Variants in TPRG1 observed in about 807,000 individuals in gnomAD.
The protein encoded by TPRG1 is tumor protein p63 regulated 1.
Under a neutral mutation model 29.3 loss-of-function variants are expected in TPRG1, and 29 were observed. The observed-to-expected ratio is 0.99, with a 90% CI of 0.74 to 1.35. The LOEUF (loss-of-function observed/expected upper bound fraction) is 1.35, where lower values mean the gene tolerates loss of function less well. Among genes scored for constraint, TPRG1 ranks in the 40% most tolerant of loss-of-function variants. The probability of loss-of-function intolerance (pLI) is 0.00; values close to 1 mark genes in which losing one functional copy is unlikely to be tolerated. For missense variants in TPRG1, 327 were observed against 335.0 expected (o/e 0.98, Z 0.19); for synonymous variants, 130 against 116.8 (o/e 1.11, Z -0.73).
At chr3:189,187,237 C>G (rs1481290966) in intron 1 of TPRG1, among the ~76,000 whole-genome samples, 1 of 152,048 alleles carries the variant, frequency 6.6e-6, no homozygotes, top group Non-Finnish European at 1.5e-5. Context: ...AGCCTCCTAT[C>G]TCAGCCTCCC....
chr3:189,004,231 A>T (rs1712175728), intron 2 of TPRG1, among the ~76,000 whole-genome samples: 2 of 152,152 alleles, frequency 1.3e-5, no homozygotes, highest in South Asian at 4.1e-4. Context: ...CCTATATAGT[A>T]AACCAGCACA....
chr3:189,244,762 A>G (rs1156365149), intron 4 of TPRG1, among the ~76,000 whole-genome samples: 1 of 152,072 alleles, frequency 6.6e-6, no homozygotes, highest in African/African-American at 2.4e-5. Context: ...ATTGGTGGGG[A>G]CACAGATCCA....
chr3:189,004,630 T>G (rs1481236619), exon 3 of TPRG1: 1 of 152,198 alleles, frequency 6.6e-6, no homozygotes, highest in African/African-American at 2.4e-5. Context: ...AATGACTGCA[T>G]GGAGCAGAAC....
At chr3:189,118,702 C>T (rs1047530413) in intron 1 of TPRG1, among the ~76,000 whole-genome samples, 1 of 152,246 alleles carries the variant, frequency 6.6e-6, no homozygotes, top group Non-Finnish European at 1.5e-5. Context: ...GTGCAAACCC[C>T]AAGCCCCAAG....
chr3:189,275,533 A>G lies in TPRG1; in HGVS notation c.480-34853A>G, dbSNP rs577888637. Among the ~76,000 whole-genome samples, 8 of 152,328 alleles carry G rather than the reference A, an allele frequency of 5.3e-5. No individual in the cohort carries two copies. In the East Asian group the frequency reaches 1.5e-3, roughly 29 times the overall value. On this transcript the variant is annotated intron_variant, in intron 4 of 5. Transcript: ENST00000345063. ...GAAGTTGGGATGTGAAGAAAGGGTT[A>G]GAGGGAAAGGCTATTCCAGGGAGAA...
chr3:189,145,834 A>G (rs557465230), intron 3 of TPRG1, among the ~76,000 whole-genome samples: 2 of 152,326 alleles, frequency 1.3e-5, no homozygotes, highest in South Asian at 4.1e-4. Context: ...AGAAGTGATT[A>G]ACACATGTCA....
intron 4 of TPRG1, among the ~76,000 whole-genome samples, chr3:189,280,574 C>A (rs565420593): frequency 3.5e-4 from 53 of 150,256 alleles, no homozygotes; most frequent in Middle Eastern, 3.4e-3. Context: ...TCTACATGCA[C>A]CTAAACAGGA....
rs1002390194 is a variant in TPRG1 at position 189,007,349 on chromosome 3, A to G, written c.-660+2589A>G. On this transcript the variant is annotated intron_variant, in intron 3 of 10. Coordinates refer to the TPRG1 transcript ENST00000433971. ...ATGCAAATCAAAACCACAGTGAGAT[A>G]CCATCTCACACCAGTTAGAGTGGCA... Among the ~76,000 whole-genome samples, 425 of 152,254 alleles carry G rather than the reference A, an allele frequency of 2.8e-3. 1 individual carries two copies. The highest frequency in any genetic ancestry group is 4.0e-3 in the Non-Finnish European group (272 of 67,994).
At chr3:189,254,781 G>A (rs1229376155) in intron 4 of TPRG1, among the ~76,000 whole-genome samples, 5 of 151,964 alleles carry the variant, frequency 3.3e-5, no homozygotes, top group Admixed American at 3.3e-4. Flanking sequence ...CTCTTTTGTA[G>A]CAATTGTGAT....
At chr3:189,105,055 A>G (rs189446320) in intron 1 of TPRG1, among the ~76,000 whole-genome samples, 41 of 152,162 alleles carry the variant, frequency 2.7e-4, no homozygotes, top group Non-Finnish European at 4.1e-4. Flanking sequence ...TTCCAATAAA[A>G]TTTCTTTTCA....
At chr3:189,219,262 A>G (rs1189675968) in intron 3 of TPRG1, among the ~76,000 whole-genome samples, 1 of 152,232 alleles carries the variant, frequency 6.6e-6, no homozygotes, top group Non-Finnish European at 1.5e-5. Context: ...AATCAGAAAA[A>G]TAAGTTTGCA....
upstream of TPRG1, among the ~76,000 whole-genome samples, chr3:189,169,317 A>G (rs993644682): frequency 2.0e-5 from 3 of 152,106 alleles, no homozygotes; most frequent in African/African-American, 7.2e-5. Context: ...GGGGCCCGCC[A>G]CTGCGCCCGG....
intron 1 of TPRG1, among the ~76,000 whole-genome samples, chr3:189,000,495 C>G (rs1002314402): frequency 5.3e-5 from 8 of 151,930 alleles, no homozygotes; most frequent in Admixed American, 2.6e-4. Context: ...AATGCTTACC[C>G]TAAAACACTA....
chr3:189,259,122 G>C (rs1184722730), intron 4 of TPRG1, among the ~76,000 whole-genome samples: 1 of 152,196 alleles, frequency 6.6e-6, no homozygotes, highest in Admixed American at 6.5e-5. Flanking sequence ...CAGGGCTCTG[G>C]TGGTGTAGGC....
chr3:189,219,439 TG>T, intron 3 of TPRG1: 1 of 368,328 alleles, frequency 2.7e-6, no homozygotes, highest in Non-Finnish European at 4.5e-6. Context: ...CATCCAGGAC[TG>T]TTATATACAT....
chr3:189,083,133 G>T (rs1012595187), intron 4 of TPRG1, among the ~76,000 whole-genome samples: 1 of 152,146 alleles, frequency 6.6e-6, no homozygotes, highest in African/African-American at 2.4e-5. Context: ...AAAATATTTT[G>T]TGAGATTCTT....
chr3:189,021,720 T>A (rs1353027365), intron 3 of TPRG1, among the ~76,000 whole-genome samples: 1 of 152,150 alleles, frequency 6.6e-6, no homozygotes, highest in Non-Finnish European at 1.5e-5. Flanking sequence ...TTGGAGTTGC[T>A]CTTCTCGAGG....
intron 1 of TPRG1, among the ~76,000 whole-genome samples, chr3:189,199,964 C>T (rs901786720): frequency 1.3e-5 from 2 of 152,124 alleles, no homozygotes; most frequent in Non-Finnish European, 1.5e-5. Flanking sequence ...CAAGTCTCAC[C>T]TTTATTTTGT....
chr3:189,143,057 G>C (rs1201240617), intron 3 of TPRG1, among the ~76,000 whole-genome samples: 2 of 152,038 alleles, frequency 1.3e-5, no homozygotes, highest in African/African-American at 4.8e-5. Flanking sequence ...AGTATCTTTT[G>C]GTATTACTAA....
Sources: gnomAD v4.1 joint callset for allele counts (sites outside exome capture counted in the v4.1 genomes callset) on GRCh38, gnomAD v4.1.1 for gene constraint, MANE v1.5 for transcripts, NCBI Gene and HGNC (gene_info 2026-07-23, HGNC 2026-07-21) for gene names.